Variants in ASAP1 observed in about 807,000 individuals in gnomAD.
ASAP1 encodes ArfGAP with SH3 domain, ankyrin repeat and PH domain 1.
ASAP1 carries 43 observed loss-of-function variants against 145.2 expected under a neutral mutation model. The ratio of observed to expected loss-of-function variants is 0.30; its 90% CI spans 0.23 to 0.38. ASAP1 has a LOEUF of 0.38. Ranked by LOEUF, ASAP1 falls within the 10% of genes least tolerant of loss-of-function variation. ASAP1 has a pLI of 1.00. For synonymous variants in ASAP1, 546 were observed against 515.5 expected (o/e 1.06, Z -0.80); for missense variants, 1,018 against 1,355.3 (o/e 0.75, Z 3.91).
chr8:130,258,198 G>A (rs1234547423), intron 3 of ASAP1, among the ~76,000 whole-genome samples: 17 of 152,102 alleles, frequency 1.1e-4, no homozygotes, highest in Admixed American at 1.1e-3. Context: ...AATGGAAGAC[G>A]TTAGGGCACG....
At chr8:130,138,959 AC>A (rs1309762644) in intron 13 of ASAP1, among the ~76,000 whole-genome samples, 9 of 152,210 alleles carry the variant, frequency 5.9e-5, no homozygotes, top group African/African-American at 2.2e-4. Context: ...TGTTAGTTCT[AC>A]ATCTCATCTT....
chr8:130,131,707 C>T (rs964213139), intron 15 of ASAP1, among the ~76,000 whole-genome samples: 1 of 151,830 alleles, frequency 6.6e-6, no homozygotes, highest in African/African-American at 2.4e-5. Flanking sequence ...GGAGGATCAC[C>T]TGAGCCTGGG....
At chr8:130,208,982 TA>T (rs1816406308) in intron 5 of ASAP1, among the ~76,000 whole-genome samples, 1 of 152,150 alleles carries the variant, frequency 6.6e-6, no homozygotes, top group South Asian at 2.1e-4. Flanking sequence ...AAGTGTCAAT[TA>T]TAGTTATCTT....
Position 130,086,151 on chromosome 8 carries a change from G to A in ASAP1, c.2572+5822C>T, listed in dbSNP as rs370505581. Among the ~76,000 whole-genome samples the A allele has an allele frequency of 6.8e-4, 104 of 152,364 alleles. 2 individuals are homozygous for A. In the South Asian group the frequency reaches 0.02, roughly 29 times the overall value. On this transcript the variant is annotated intron_variant, in intron 25 of 29. Coordinates refer to ENST00000518721, the MANE Select transcript of ASAP1 (RefSeq NM_018482.4). ...GAAACCACTGCTGTGAGGAGAAATG[G>A]CCAGTGGGCCTGCATTTTGCGAGCA...
At chr8:130,129,685 A>G (rs143846922) in intron 15 of ASAP1, among the ~76,000 whole-genome samples, 37 of 152,338 alleles carry the variant, frequency 2.4e-4, no homozygotes, top group African/African-American at 8.9e-4. Flanking sequence ...TAGTGACAGC[A>G]TAAGAATTAA....
At position 130,150,091 on chromosome 8, in the gene ASAP1, T is replaced by C. The variant is rs1016027375; in HGVS notation, c.1080+2645A>G. Among the ~76,000 whole-genome samples the C allele has an allele frequency of 1.6e-4, 24 of 152,352 alleles. No individual in the cohort carries two copies. The East Asian group carries it at 4.0e-3, about 26-fold the overall frequency. The stretch of plus-strand genomic sequence containing the variant: ...ATTAACAGAATGGCCACACATGGCA[T>C]GTTATCTCACTGAATCCTCATATAA... On this transcript the variant is annotated intron_variant, in intron 13 of 29. Transcript: ENST00000518721.
intron 15 of ASAP1, among the ~76,000 whole-genome samples, chr8:130,129,141 G>A (rs2097579525): frequency 6.6e-6 from 1 of 152,186 alleles, no homozygotes; most frequent in African/African-American, 2.4e-5. Context: ...TGTGAAGAAA[G>A]ACATGTTTGC....
intron 9 of ASAP1, among the ~76,000 whole-genome samples, chr8:130,175,433 C>G (rs1040506964): frequency 6.6e-6 from 1 of 151,948 alleles, no homozygotes; most frequent in Non-Finnish European, 1.5e-5. Context: ...CCTGTGTTGC[C>G]CAGGCTGGTC....
At chr8:130,398,891 T>A (rs1246861240) in intron 2 of ASAP1, among the ~76,000 whole-genome samples, 1 of 152,244 alleles carries the variant, frequency 6.6e-6, no homozygotes, top group Non-Finnish European at 1.5e-5. Flanking sequence ...GAATGAGTAG[T>A]GTGGAGGAAA....
chr8:130,381,626 G>A lies in ASAP1; in HGVS notation c.59+20259C>T, dbSNP rs544798744. Among the ~76,000 whole-genome samples the A allele has an allele frequency of 2.0e-5, 3 of 152,256 alleles. No individual in the cohort carries two copies. The South Asian group carries it at 6.2e-4, about 32-fold the overall frequency. On this transcript the variant is annotated intron_variant, in intron 2 of 29. Coordinates refer to ENST00000518721, the MANE Select transcript of ASAP1 (RefSeq NM_018482.4). ...AGAATGCGTCCTCCAAGCTAGAAAA[G>A]AATCACTACGGTGGCTTCTCAAGGC...
intron 3 of ASAP1, among the ~76,000 whole-genome samples, chr8:130,354,165 C>T (rs1005954201): frequency 2.0e-5 from 3 of 152,158 alleles, no homozygotes; most frequent in African/African-American, 7.2e-5. Context: ...GCTGGGATTA[C>T]AGGCCTGAGC....
intron 2 of ASAP1, among the ~76,000 whole-genome samples, chr8:130,389,672 A>T (rs886348953): frequency 2.0e-5 from 3 of 152,218 alleles, no homozygotes; most frequent in Admixed American, 2.0e-4. Flanking sequence ...TCTCTGTTCT[A>T]TACACTGAGC....
intron 3 of ASAP1, among the ~76,000 whole-genome samples, chr8:130,311,574 C>T (rs976965120): frequency 2.0e-5 from 3 of 152,046 alleles, no homozygotes; most frequent in Admixed American, 2.0e-4. Context: ...CAAGCCTGAC[C>T]AGCATGGAGA....
intron 3 of ASAP1, among the ~76,000 whole-genome samples, chr8:130,308,261 A>G (rs1259632894): frequency 6.6e-6 from 1 of 152,242 alleles, no homozygotes; most frequent in Non-Finnish European, 1.5e-5. Context: ...GATTATAAAA[A>G]TAAGATTCTC....
intron 3 of ASAP1, among the ~76,000 whole-genome samples, chr8:130,317,912 A>C (rs1295085163): frequency 6.6e-6 from 1 of 152,208 alleles, no homozygotes; most frequent in Non-Finnish European, 1.5e-5. Flanking sequence ...AGGAGAGCTG[A>C]GGAAGGGCTG....
At chr8:130,380,083 G>A (rs370744928) in intron 2 of ASAP1, among the ~76,000 whole-genome samples, 1 of 152,168 alleles carries the variant, frequency 6.6e-6, no homozygotes, top group Non-Finnish European at 1.5e-5. Flanking sequence ...CTACCTGTTG[G>A]GCACCCCAGG....
intron 2 of ASAP1, among the ~76,000 whole-genome samples, chr8:130,376,243 C>A (rs1251278276): frequency 6.6e-6 from 1 of 152,154 alleles, no homozygotes; most frequent in African/African-American, 2.4e-5. Context: ...GGTGCTCCAC[C>A]CTGAATGCCA....
intron 3 of ASAP1, among the ~76,000 whole-genome samples, chr8:130,356,194 C>T (rs1347239114): frequency 6.6e-6 from 1 of 152,174 alleles, no homozygotes; most frequent in Non-Finnish European, 1.5e-5. Flanking sequence ...GCTCGCATAC[C>T]TCTACAAACA....
intron 3 of ASAP1, among the ~76,000 whole-genome samples, chr8:130,240,994 A>G (rs1424033327): frequency 6.6e-6 from 1 of 152,080 alleles, no homozygotes; most frequent in Admixed American, 6.6e-5. Flanking sequence ...AAGGACAGAA[A>G]AGTCCTTGAG....
Sources: allele counts gnomAD v4.1 joint callset (sites outside exome capture counted in the v4.1 genomes callset), GRCh38; gene constraint gnomAD v4.1.1; transcripts MANE v1.5; gene names NCBI Gene and HGNC (gene_info 2026-07-23, HGNC 2026-07-21).